The following ATXN7L1 variants were observed in gnomAD, a reference collection of about 807,000 sequenced individuals.
ATXN7L1 encodes the protein ataxin 7 like 1, also known as ataxin-7-like protein 1.
In ATXN7L1, 15 loss-of-function variants were observed where a neutral mutation model predicts 70.8. That is an observed-to-expected ratio of 0.21 (90% CI 0.14 to 0.33). The LOEUF (loss-of-function observed/expected upper bound fraction) is 0.33, where lower values mean the gene tolerates loss of function less well. Among genes scored for constraint, ATXN7L1 ranks in the 10% least tolerant of loss-of-function variants. The probability of loss-of-function intolerance (pLI) is 1.00; values close to 1 mark genes in which losing one functional copy is unlikely to be tolerated. For synonymous variants in ATXN7L1, 440 were observed against 445.1 expected (o/e 0.99, Z 0.14); for missense variants, 975 against 1,097.1 (o/e 0.89, Z 1.57).
chr7:105,818,383 G>C (rs990280497), intron 2 of ATXN7L1, among the ~76,000 whole-genome samples: 2 of 152,090 alleles, frequency 1.3e-5, no homozygotes, highest in Admixed American at 6.5e-5. Context: ...GCTGGCCAGG[G>C]ATCCTCATGG....
intron 7 of ATXN7L1, among the ~76,000 whole-genome samples, chr7:105,634,347 G>A (rs962439376): frequency 1.3e-5 from 2 of 152,198 alleles, no homozygotes; most frequent in Non-Finnish European, 2.9e-5. Flanking sequence ...AGGAAGCAGA[G>A]CATCAGTTTG....
chr7:105,796,725 T>C (rs1806048018), intron 2 of ATXN7L1, among the ~76,000 whole-genome samples: 1 of 152,250 alleles, frequency 6.6e-6, no homozygotes, highest in Non-Finnish European at 1.5e-5. Flanking sequence ...TATTAATTTT[T>C]CTTTTTGCTA....
At chr7:105,824,215 G>A (rs1332900381) in intron 2 of ATXN7L1, among the ~76,000 whole-genome samples, 2 of 152,174 alleles carry the variant, frequency 1.3e-5, no homozygotes, top group Non-Finnish European at 2.9e-5. Flanking sequence ...CCAAAGAAAT[G>A]ATGAGTTCGC....
chr7:105,712,421 C>T (rs1362897941), intron 3 of ATXN7L1, among the ~76,000 whole-genome samples: 1 of 152,216 alleles, frequency 6.6e-6, no homozygotes, highest in Non-Finnish European at 1.5e-5. Flanking sequence ...ATTTTCCAAA[C>T]TTTTATGCTC....
intron 8 of ATXN7L1, among the ~76,000 whole-genome samples, chr7:105,623,077 G>A (rs558383582): frequency 2.0e-5 from 3 of 152,224 alleles, no homozygotes; most frequent in South Asian, 2.1e-4. Context: ...ATTCTTAATC[G>A]TCCCTATTTT....
At chr7:105,679,406 T>C (rs540892765) in intron 3 of ATXN7L1, among the ~76,000 whole-genome samples, 8 of 152,156 alleles carry the variant, frequency 5.3e-5, no homozygotes, top group African/African-American at 1.9e-4. Flanking sequence ...CTGGCCTGGG[T>C]CCCCGGTCCC....
chr7:105,839,313 G>A (rs567612747), intron 2 of ATXN7L1, among the ~76,000 whole-genome samples: 4 of 151,952 alleles, frequency 2.6e-5, no homozygotes, highest in African/African-American at 7.2e-5. Flanking sequence ...CTGATGGTTT[G>A]GCATCTCACC....
chr7:105,635,047 G>T (rs1797157942), intron 7 of ATXN7L1, among the ~76,000 whole-genome samples: 1 of 152,196 alleles, frequency 6.6e-6, no homozygotes, highest in African/African-American at 2.4e-5. Flanking sequence ...AAGACCTTCT[G>T]CCTGTCTCCA....
At chr7:105,741,456 A>G (rs967711829) in intron 3 of ATXN7L1, among the ~76,000 whole-genome samples, 3 of 152,172 alleles carry the variant, frequency 2.0e-5, no homozygotes, top group African/African-American at 7.2e-5. Context: ...ATTTTGACAC[A>G]TTTGAGCTTG....
At chr7:105,790,715 C>T (rs943305025) in intron 2 of ATXN7L1, among the ~76,000 whole-genome samples, 5 of 151,504 alleles carry the variant, frequency 3.3e-5, no homozygotes, top group African/African-American at 1.2e-4. Flanking sequence ...ATCTATCTAT[C>T]TATCTGACAA....
chr7:105,816,990 G>A (rs1032913525), intron 2 of ATXN7L1, among the ~76,000 whole-genome samples: 6 of 152,312 alleles, frequency 3.9e-5, no homozygotes, highest in African/African-American at 4.8e-5. Context: ...TTTATTTAGC[G>A]GAGAGCTTCT....
rs578140020 is a variant in ATXN7L1, at chr7:105,612,932, G to A, written c.2472+930C>T. Among the ~76,000 whole-genome samples the A allele has an allele frequency of 2.6e-5, 4 of 152,272 alleles. No homozygotes were observed. The East Asian group carries it at 7.7e-4, about 29-fold the overall frequency. ...TTTGGTGGCCTTGATTCTGTGTAAC[G>A]GTCTCTGGACACACTGCCCTGATGG... On this transcript the variant is annotated intron_variant, in intron 10 of 11. Transcript: ENST00000419735.
chr7:105,714,244 C>A (rs973097641), intron 3 of ATXN7L1, among the ~76,000 whole-genome samples: 21 of 152,186 alleles, frequency 1.4e-4, no homozygotes, highest in Admixed American at 1.3e-3. Context: ...CGATTGCCAC[C>A]CCTGCAGGAC....
At chr7:105,842,883 A>G (rs4730111) in intron 2 of ATXN7L1, among the ~76,000 whole-genome samples, 33,257 of 152,110 alleles carry the variant, frequency 0.22, 4,085 homozygotes, top group East Asian at 0.44. Context: ...TTTAAAATAT[A>G]TATAGTATTA....
intron 2 of ATXN7L1, among the ~76,000 whole-genome samples, chr7:105,850,700 G>T (rs552882122): frequency 6.6e-6 from 1 of 152,142 alleles, no homozygotes; most frequent in Non-Finnish European, 1.5e-5. Flanking sequence ...CACAGAAGGG[G>T]TACCCATGCT....
intron 3 of ATXN7L1, among the ~76,000 whole-genome samples, chr7:105,696,271 G>A (rs1393310150): frequency 1.3e-5 from 2 of 152,230 alleles, no homozygotes; most frequent in Non-Finnish European, 2.9e-5. Context: ...CCCACTGCTA[G>A]TGAATACTCA....
In ATXN7L1 at chr7:105,638,335, C is replaced by T. The variant is rs759168490; in HGVS notation, c.1202+18G>A. ...TTGACCAAGCATTCAGGGCTTCTAT[C>T]GTCAAGGTGGTACTTACCTAGGAAG... On this transcript the variant is annotated intron_variant, in intron 7 of 11. Coordinates refer to ENST00000419735, the MANE Select transcript of ATXN7L1 (RefSeq NM_020725.2). 1.3e-5 allele frequency: 20 copies of T among 1,541,292 alleles called. No individual in the cohort carries two copies. The highest frequency in any genetic ancestry group is 1.5e-5 in the Non-Finnish European group (17 of 1,139,782).
intron 3 of ATXN7L1, among the ~76,000 whole-genome samples, chr7:105,721,669 C>T (rs1795201660): frequency 6.6e-6 from 1 of 152,204 alleles, no homozygotes; most frequent in African/African-American, 2.4e-5. Context: ...CGTGAACACC[C>T]TAGACCTGAG....
intron 4 of ATXN7L1, among the ~76,000 whole-genome samples, chr7:105,664,432 C>A (rs947697176): frequency 4.7e-5 from 7 of 148,882 alleles, no homozygotes; most frequent in African/African-American, 1.7e-4. Context: ...TATATATCTA[C>A]TCTGTCTCAA....
Sources: allele counts gnomAD v4.1 joint callset (sites outside exome capture counted in the v4.1 genomes callset), GRCh38; gene constraint gnomAD v4.1.1; transcripts MANE v1.5; gene names NCBI Gene and HGNC (gene_info 2026-07-23, HGNC 2026-07-21).